Variants in ADGRL3 observed in about 807,000 individuals in gnomAD.
The protein encoded by ADGRL3 is calcium-independent alpha-latrotoxin receptor 3.
A neutral mutation model predicts 153.5 loss-of-function variants in ADGRL3; 62 were observed. The ratio of observed to expected loss-of-function variants is 0.40; its 90% CI spans 0.33 to 0.50. ADGRL3 has a LOEUF of 0.50. ADGRL3 is among the 20% of genes least tolerant of loss of function. ADGRL3 has a pLI of 0.47. For missense variants in ADGRL3, 1,641 were observed against 1,859.4 expected (o/e 0.88, Z 2.16); for synonymous variants, 710 against 672.5 (o/e 1.06, Z -0.86).
At chr4:61,995,281 A>G (rs892821936) in intron 19 of ADGRL3, among the ~76,000 whole-genome samples, 2 of 151,936 alleles carry the variant, frequency 1.3e-5, no homozygotes, top group African/African-American at 4.8e-5. Flanking sequence ...ACATTTCATC[A>G]TATGAATAGA....
At chr4:61,338,781 TG>T (rs1297306918) in intron 1 of ADGRL3, among the ~76,000 whole-genome samples, 1 of 152,212 alleles carries the variant, frequency 6.6e-6, no homozygotes, top group Non-Finnish European at 1.5e-5. Context: ...CAAAAACTAT[TG>T]AATAAATATT....
intron 17 of ADGRL3, among the ~76,000 whole-genome samples, chr4:61,967,169 G>A (rs1211039648): frequency 6.6e-6 from 1 of 151,854 alleles, no homozygotes; most frequent in African/African-American, 2.4e-5. Context: ...TTTTCTTTCT[G>A]TCTTCTGATC....
chr4:61,376,591 C>T (rs987115958), intron 1 of ADGRL3, among the ~76,000 whole-genome samples: 1 of 152,064 alleles, frequency 6.6e-6, no homozygotes, highest in Non-Finnish European at 1.5e-5. Flanking sequence ...GTCCATCTTG[C>T]TCATATGGAA....
At chr4:61,428,894 C>CATAT (rs2097318359) in intron 2 of ADGRL3, among the ~76,000 whole-genome samples, 1 of 98,288 alleles carries the variant, frequency 1.0e-5, no homozygotes, top group Non-Finnish European at 2.3e-5. Flanking sequence ...CTATCTATAT[C>CATAT]ATCTATCTAT....
At chr4:61,252,008 C>T (rs1017503501) in intron 1 of ADGRL3, among the ~76,000 whole-genome samples, 1 of 151,792 alleles carries the variant, frequency 6.6e-6, no homozygotes, top group South Asian at 2.1e-4. Flanking sequence ...CTCAGCCTCC[C>T]GAGTGGCTGG....
chr4:61,220,090 C>T lies in ADGRL3; in HGVS notation c.-240+18325C>T, dbSNP rs189673591. Among the ~76,000 whole-genome samples, 106 of 131,924 alleles carry T rather than the reference C, an allele frequency of 8.0e-4. 2 individuals are homozygous for T. Among genetic ancestry groups the T allele is most frequent in the African/African-American group, 2.6e-3 (89 of 33,840 alleles). 86.5% of individuals were successfully genotyped at this position (131,924 alleles called of 152,430 possible). A position where few individuals can be genotyped will look rare whatever the true frequency, so the allele number is the denominator to read the frequency against. The stretch of plus-strand genomic sequence containing the variant: ...GTGCGCCATTGCACTCCAGCCTGGG[C>T]GACAAGAGCAAAAATCTGTCTCAAA... On this transcript the variant is annotated intron_variant, in intron 1 of 26. Coordinates refer to ENST00000683033, the MANE Select transcript of ADGRL3 (RefSeq NM_001387552.1).
intron 8 of ADGRL3, among the ~76,000 whole-genome samples, chr4:61,767,569 G>A (rs540222153): frequency 6.6e-6 from 1 of 152,084 alleles, no homozygotes; most frequent in African/African-American, 2.4e-5. Context: ...TCTTCAGCCG[G>A]TAAGCCAAGA....
intron 13 of ADGRL3, among the ~76,000 whole-genome samples, chr4:61,927,792 T>A (rs2150060361): frequency 6.6e-6 from 1 of 152,198 alleles, no homozygotes; most frequent in South Asian, 2.1e-4. Context: ...TGCTTCATTT[T>A]ACTTTATTTT....
At chr4:61,245,245 C>T (rs767842348) in intron 1 of ADGRL3, among the ~76,000 whole-genome samples, 14 of 152,054 alleles carry the variant, frequency 9.2e-5, no homozygotes, top group Non-Finnish European at 1.6e-4. Context: ...TAGCCTCAGC[C>T]GAACCTTGAG....
intron 1 of ADGRL3, among the ~76,000 whole-genome samples, chr4:61,297,846 A>G (rs1259838897): frequency 1.3e-5 from 2 of 152,032 alleles, no homozygotes; most frequent in East Asian, 1.9e-4. Context: ...CACCACCATC[A>G]TCACCATCAC....
At chr4:61,726,806 G>T (rs1344695198) in intron 6 of ADGRL3, among the ~76,000 whole-genome samples, 1 of 152,016 alleles carries the variant, frequency 6.6e-6, no homozygotes, top group African/African-American at 2.4e-5. Flanking sequence ...CCCTATAAGT[G>T]TCTTTTTTCT....
At chr4:62,048,213 A>G (rs1732176352) in intron 25 of ADGRL3, among the ~76,000 whole-genome samples, 1 of 151,932 alleles carries the variant, frequency 6.6e-6, no homozygotes, top group African/African-American at 2.4e-5. Flanking sequence ...CTGCAGGTCA[A>G]ATCTTATCTT....
intron 4 of ADGRL3, among the ~76,000 whole-genome samples, chr4:61,584,956 A>G (rs991482505): frequency 6.6e-6 from 1 of 152,054 alleles, no homozygotes; most frequent in Non-Finnish European, 1.5e-5. Flanking sequence ...TGATAAACAA[A>G]GAGTTTTATT....
chr4:61,867,794 C>T (rs1267577838), intron 9 of ADGRL3, among the ~76,000 whole-genome samples: 1 of 151,664 alleles, frequency 6.6e-6, no homozygotes, highest in Non-Finnish European at 1.5e-5. Context: ...TTAAGCCATC[C>T]TCAAACTGTG....
At chr4:61,880,584 A>G (rs2098503077) in intron 9 of ADGRL3, among the ~76,000 whole-genome samples, 1 of 152,228 alleles carries the variant, frequency 6.6e-6, no homozygotes, top group Admixed American at 6.5e-5. Context: ...TTGAGTACTT[A>G]CTACAAGGCA....
intron 13 of ADGRL3, among the ~76,000 whole-genome samples, chr4:61,918,232 C>T (rs940533306): frequency 6.6e-6 from 1 of 151,976 alleles, no homozygotes; most frequent in East Asian, 1.9e-4. Context: ...TGCTTTTTGC[C>T]TGAGCAATTG....
Position 61,517,516 on chromosome 4 carries a change from A to C in ADGRL3, c.257A>C (p.Gln86Pro). The C allele has an allele frequency of 1.4e-6, 1 of 706,326 alleles. No individual in the cohort carries two copies. Among genetic ancestry groups the C allele is most frequent in the Admixed American group, 2.0e-5 (1 of 49,986 alleles). 43.8% of individuals were successfully genotyped at this position (706,326 alleles called of 1,614,324 possible). ...PGAQGAQIAA[Q>P]AFSRAPIPMA... is the part of the protein sequence containing the mutation. ...GCCCAAGGAGCACAGATTGCAGCGC[A>C]AGGTGCGGCCAGCGGTGGGGAGAGA... Residue 86 changes from glutamine to proline, a missense_variant and splice_region_variant, in exon 4 of 27, where the codon CAA (glutamine) becomes CCA (proline). Gln to Pro is a moderately conservative substitution (Grantham distance 76). This residue lies in a region of ADGRL3 where 145 missense variants were observed against 79.1 expected (regional missense o/e 1.83). Transcript: ENST00000683033.
At chr4:61,529,916 T>C (rs2098601948) in intron 4 of ADGRL3, among the ~76,000 whole-genome samples, 1 of 152,188 alleles carries the variant, frequency 6.6e-6, no homozygotes, top group Non-Finnish European at 1.5e-5. Context: ...ATATGTTAAA[T>C]GAAGGGCTTT....
chr4:62,065,080 C>G (rs1252286495), intron 25 of ADGRL3, among the ~76,000 whole-genome samples: 1 of 152,054 alleles, frequency 6.6e-6, no homozygotes, highest in African/African-American at 2.4e-5. Context: ...ACCTCAGAAT[C>G]TCATATATTC....
Sources: gnomAD v4.1 joint callset for allele counts (sites outside exome capture counted in the v4.1 genomes callset) on GRCh38, gnomAD v4.1.1 for gene constraint, gnomAD v4.1.1 regional missense constraint, MANE v1.5 for transcripts, NCBI Gene and HGNC (gene_info 2026-07-23, HGNC 2026-07-21) for gene names.